The following POU6F2 variants were observed in gnomAD, a reference collection of about 807,000 sequenced individuals.
POU6F2 encodes POU domain, class 6, transcription factor 2.
POU6F2 carries 31 observed loss-of-function variants against 71.3 expected under a neutral mutation model. The observed-to-expected ratio is 0.43, with a 90% CI of 0.33 to 0.59. The LOEUF (loss-of-function observed/expected upper bound fraction) is 0.59, where lower values mean the gene tolerates loss of function less well. Ranked by LOEUF, POU6F2 falls within the 20% of genes least tolerant of loss-of-function variation. The pLI, the probability that POU6F2 is intolerant of heterozygous loss-of-function variation, is 0.04. For synonymous variants in POU6F2, 347 were observed against 355.7 expected, an observed-to-expected ratio of 0.98 and a Z score of 0.27; for missense variants, 783 against 856.8, an observed-to-expected ratio of 0.91 and a Z score of 1.07.
Position 39,272,327 on chromosome 7 carries a change from G to A in POU6F2, c.598+64707G>A, listed in dbSNP as rs150335946. 2.1e-3 allele frequency among the ~76,000 whole-genome samples: 321 copies of A among 152,276 alleles called. 3 individuals carry two copies. Among genetic ancestry groups the A allele is most frequent in the African/African-American group, 6.9e-3 (287 of 41,538 alleles). On this transcript the variant is annotated intron_variant, in intron 4 of 9. Coordinates refer to ENST00000518318, the MANE Select transcript of POU6F2 (RefSeq NM_001370959.1). ...CCTCCACTCCCATCACAGTTCAGCT[G>A]CTGGAGTCTTCCCAGTCAGCCTGAT...
At chr7:39,027,933 CAT>C (rs1789850705) in intron 1 of POU6F2, among the ~76,000 whole-genome samples, 1 of 152,104 alleles carries the variant, frequency 6.6e-6, no homozygotes, top group South Asian at 2.1e-4. Context: ...ATTTCAGATG[CAT>C]ATACCAATTT....
At chr7:39,246,352 G>A (rs1300853467) in intron 4 of POU6F2, among the ~76,000 whole-genome samples, 3 of 152,140 alleles carry the variant, frequency 2.0e-5, no homozygotes, top group Non-Finnish European at 4.4e-5. Context: ...ATTGCAAATT[G>A]TGATTAGTAC....
At chr7:39,119,332 T>G (rs1040316991) in intron 2 of POU6F2, among the ~76,000 whole-genome samples, 16 of 152,234 alleles carry the variant, frequency 1.1e-4, no homozygotes, top group Admixed American at 1.0e-3. Flanking sequence ...AAATAGACAA[T>G]TATTAATTAC....
chr7:39,231,257 T>C (rs1794569239), intron 4 of POU6F2, among the ~76,000 whole-genome samples: 2 of 152,188 alleles, frequency 1.3e-5, no homozygotes, highest in African/African-American at 4.8e-5. Flanking sequence ...CATCTTAATA[T>C]TGTTAGCATG....
Position 39,460,773 on chromosome 7 carries a change from C to CG in POU6F2, c.1658+59dup. Reference sequence around the variant, plus strand: ...AGCCGCCCTGGGCCTCATTTGTCCTCGCGGTTCAGCTTTTCTTCGTCGGGT... The same window carrying CG: ...AGCCGCCCTGGGCCTCATTTGTCCTCGGCGGTTCAGCTTTTCTTCGTCGGGT... On this transcript the variant is annotated intron_variant, in intron 9 of 9. Transcript: ENST00000518318. This position sits in a 1 kb window ranked among gnomAD's most constrained non-coding sequence, Gnocchi z 4.4. 2 of 1,455,420 alleles carry CG rather than the reference C, an allele frequency of 1.4e-6. No homozygotes were observed. Among genetic ancestry groups the CG allele is most frequent in the South Asian group, 3.0e-5 (2 of 66,046 alleles). 90.2% of individuals were successfully genotyped at this position (1,455,420 alleles called of 1,614,324 possible).
At chr7:39,071,978 TACTC>T (rs1257990756) in intron 1 of POU6F2, among the ~76,000 whole-genome samples, 1 of 152,154 alleles carries the variant, frequency 6.6e-6, no homozygotes, top group African/African-American at 2.4e-5. Context: ...AGGAAATAAG[TACTC>T]ACAAGATTGG....
chr7:39,299,810 G>T (rs549632447), intron 4 of POU6F2, among the ~76,000 whole-genome samples: 17 of 152,260 alleles, frequency 1.1e-4, no homozygotes, highest in African/African-American at 4.1e-4. Context: ...AGGCTCGGGA[G>T]AATTCTCAGC....
At chr7:39,140,465 A>C (rs943338074) in intron 2 of POU6F2, among the ~76,000 whole-genome samples, 2 of 152,198 alleles carry the variant, frequency 1.3e-5, no homozygotes, top group Non-Finnish European at 2.9e-5. Context: ...AAGTGTCAGC[A>C]GGGTTGATTC....
At chr7:39,195,413 G>A (rs1039354798) in intron 2 of POU6F2, among the ~76,000 whole-genome samples, 13 of 152,212 alleles carry the variant, frequency 8.5e-5, no homozygotes, top group Non-Finnish European at 1.5e-5. Flanking sequence ...TATTCTGCAT[G>A]ACAGATTAGT....
At chr7:39,208,229 T>A (rs973748174) in intron 4 of POU6F2, among the ~76,000 whole-genome samples, 8 of 152,194 alleles carry the variant, frequency 5.3e-5, no homozygotes, top group African/African-American at 1.9e-4. Context: ...GGAAGGGTAG[T>A]TGTCTTGATA....
intron 2 of POU6F2, among the ~76,000 whole-genome samples, chr7:39,156,609 G>A (rs1159671667): frequency 6.6e-6 from 1 of 152,108 alleles, no homozygotes; most frequent in Non-Finnish European, 1.5e-5. Context: ...TTTAATACAT[G>A]GAGGACTTCC....
At chr7:39,289,330 C>T (rs889972689) in intron 4 of POU6F2, among the ~76,000 whole-genome samples, 5 of 152,228 alleles carry the variant, frequency 3.3e-5, no homozygotes. Flanking sequence ...AGCTATGAAA[C>T]CACCCACCAC....
intron 5 of POU6F2, among the ~76,000 whole-genome samples, chr7:39,397,530 G>C (rs1327472113): frequency 1.4e-5 from 2 of 148,034 alleles, no homozygotes; most frequent in African/African-American, 4.9e-5. Flanking sequence ...GTCTCGCTTT[G>C]TCACCAGGCT....
rs114644568 is a variant in POU6F2, at chr7:39,263,493, G to A, written c.598+55873G>A. On this transcript the variant is annotated intron_variant, in intron 4 of 9. Coordinates refer to ENST00000518318, the MANE Select transcript of POU6F2 (RefSeq NM_001370959.1). ...TTTAAGATCAGAGGATTGTGTCTTT[G>A]TTTAATTAAGATACACACGGTTGTA... Among the ~76,000 whole-genome samples the A allele has an allele frequency of 3.0e-3, 453 of 152,292 alleles. 1 individual carries two copies. The highest frequency in any genetic ancestry group is 0.01 in the African/African-American group (430 of 41,562).
intron 2 of POU6F2, among the ~76,000 whole-genome samples, chr7:39,145,952 G>GA (rs2128732895): frequency 6.6e-6 from 1 of 152,308 alleles, no homozygotes; most frequent in South Asian, 2.1e-4. Flanking sequence ...ATTACAAAGA[G>GA]AAAATGCACT....
chr7:39,044,462 A>G (rs1454609200), intron 1 of POU6F2, among the ~76,000 whole-genome samples: 1 of 151,982 alleles, frequency 6.6e-6, no homozygotes, highest in Non-Finnish European at 1.5e-5. Context: ...GTTTTGAGAT[A>G]TTTTGAGACA....
chr7:39,373,594 G>A, intron 5 of POU6F2: 1 of 455,052 alleles, frequency 2.2e-6, no homozygotes, highest in East Asian at 7.0e-5. Flanking sequence ...TGCCTACCTA[G>A]TCTAGCTAAC....
intron 4 of POU6F2, among the ~76,000 whole-genome samples, chr7:39,273,398 C>G (rs917122044): frequency 5.9e-5 from 9 of 152,222 alleles, no homozygotes; most frequent in Non-Finnish European, 1.2e-4. Context: ...GGCAGTTTGC[C>G]TCTGTGGTGT....
chr7:38,996,127 C>A (rs1225056199), intron 1 of POU6F2, among the ~76,000 whole-genome samples: 1 of 150,240 alleles, frequency 6.7e-6, no homozygotes, highest in African/African-American at 2.4e-5. Context: ...GCAACCTCCA[C>A]CTCCCTGGTT....
Sources: allele counts gnomAD v4.1 joint callset (sites outside exome capture counted in the v4.1 genomes callset), GRCh38; gene constraint gnomAD v4.1.1; non-coding constraint Gnocchi (gnomAD v3.1); transcripts MANE v1.5; gene names NCBI Gene and HGNC (gene_info 2026-07-23, HGNC 2026-07-21).